The following SLC23A1 variants were observed in gnomAD, a reference collection of about 807,000 sequenced individuals.
SLC23A1 encodes solute carrier family 23 member 1, also known as Na(+)/L-ascorbic acid transporter 1.
SLC23A1 carries 31 observed loss-of-function variants against 62.5 expected under a neutral mutation model. That is an observed-to-expected ratio of 0.50 (90% CI 0.37 to 0.67). The LOEUF is 0.67. Ranked by LOEUF, SLC23A1 falls within the 30% of genes least tolerant of loss-of-function variation. The pLI, the probability that SLC23A1 is intolerant of heterozygous loss-of-function variation, is 0.00. For missense variants in SLC23A1, 640 were observed against 782.7 expected (o/e 0.82, Z 2.18); for synonymous variants, 271 against 313.2 (o/e 0.87, Z 1.42).
In SLC23A1 at chr5:139,379,258, G is replaced by A; in HGVS notation, c.1022C>T (p.Ala341Val). ...GIIESIGDYY[A>V]CARLAGAPPP... Reference sequence around the variant, plus strand: ...TGGTGCACCAGCCAGGCGGGCACAGGCGTAGTAATCTCCGATGGACTCAAT... The same window carrying A: ...TGGTGCACCAGCCAGGCGGGCACAGACGTAGTAATCTCCGATGGACTCAAT... Residue 341 changes from alanine (A) to valine (V), a missense_variant, in exon 9 of 15, where the codon GCC becomes GTC. Physicochemically the swap from Ala to Val is moderately conservative, Grantham distance 64. Transcript: ENST00000348729. The surrounding 1 kb of genome is among the most constrained non-coding windows in gnomAD (Gnocchi z 4.7). 5 of 1,614,200 alleles carry A rather than the reference G, an allele frequency of 3.1e-6. No homozygotes were observed. The highest frequency in any genetic ancestry group is 4.2e-6 in the Non-Finnish European group (5 of 1,180,014).
intron 13 of SLC23A1, among the ~76,000 whole-genome samples, chr5:139,374,635 A>G (rs1021917205): frequency 9.2e-5 from 14 of 152,174 alleles, no homozygotes; most frequent in African/African-American, 3.4e-4. Flanking sequence ...CTCAGTGGAT[A>G]CTGAAGACTG....
At chr5:139,368,915 G>A (rs1026790428) in intron 14 of SLC23A1, 16 of 699,030 alleles carry the variant, frequency 2.3e-5, no homozygotes, top group East Asian at 1.6e-4. Flanking sequence ...CATTGCCAAA[G>A]TTTTTGTTAG....
At chr5:139,374,520 T>C (rs1028583659) in intron 13 of SLC23A1, among the ~76,000 whole-genome samples, 1 of 152,236 alleles carries the variant, frequency 6.6e-6, no homozygotes, top group African/African-American at 2.4e-5. Context: ...GAAAAGGCTT[T>C]TGCTATTCCA....
intron 14 of SLC23A1, among the ~76,000 whole-genome samples, chr5:139,370,633 A>G (rs889060384): frequency 4.6e-5 from 7 of 151,924 alleles, no homozygotes; most frequent in Non-Finnish European, 8.8e-5. Context: ...CTGGGATTAC[A>G]GGCGCCTACC....
Position 139,378,278 on chromosome 5 carries a change from G to T in SLC23A1, c.1253C>A (p.Ala418Asp), listed in dbSNP as rs1300174711. ...LVLGTIGKFT[A>D]LFASLPDPIL... ...GGGGTCAGGGAGCGAGGCGAAGAGG[G>T]CCGTGAACTTGCCGATGGTGCCCAG... Residue 418 changes from alanine (A) to aspartate (D), a missense_variant, in exon 11 of 15, where the codon GCC becomes GAC. Ala to Asp is a moderately radical substitution (Grantham distance 126). Coordinates refer to ENST00000348729, the MANE Select transcript of SLC23A1 (RefSeq NM_005847.5). The surrounding 1 kb of genome is among the most constrained non-coding windows in gnomAD (Gnocchi z 4.5). 1 of 1,604,882 alleles carries T rather than the reference G, an allele frequency of 6.2e-7. No homozygotes were observed. The highest frequency in any genetic ancestry group is 8.5e-7 in the Non-Finnish European group (1 of 1,176,234).
chr5:139,382,457 G>A, intron 2 of SLC23A1, 35 bp downstream of exon 2: 1 of 1,244,646 alleles, frequency 8.0e-7, no homozygotes. Flanking sequence ...CGGGGAGTGT[G>A]CAGAGTGAGG....
At position 139,378,530 on chromosome 5, in the gene SLC23A1, T is replaced by C. The variant is rs1581368246; in HGVS notation, c.1179+49A>G. 6.9e-7 allele frequency: 1 copy of C among 1,444,310 alleles called. No individual in the cohort carries two copies. The highest frequency in any genetic ancestry group is 9.4e-7 in the Non-Finnish European group (1 of 1,062,478). The allele number at this position is 1,444,310 out of a possible 1,614,324, so 89.5% of individuals were successfully genotyped here. A position where few individuals can be genotyped will look rare whatever the true frequency, so the allele number is the denominator to read the frequency against. ...GTGGGGACCGAGTTGGGGCGGGGCCTGCGGCCCACGGAATTAGGGCAGGAT... is the reference window on the plus strand; with the variant it reads ...GTGGGGACCGAGTTGGGGCGGGGCCCGCGGCCCACGGAATTAGGGCAGGAT... On this transcript the variant is annotated intron_variant, in intron 10 of 14. Transcript: ENST00000348729. This position sits in a 1 kb window ranked among gnomAD's most constrained non-coding sequence, Gnocchi z 4.5.
chr5:139,373,463 A>G (rs1757787694), intron 13 of SLC23A1, among the ~76,000 whole-genome samples: 1 of 152,168 alleles, frequency 6.6e-6, no homozygotes, highest in African/African-American at 2.4e-5. Context: ...TATAGGTGTG[A>G]GCCACTGAGC....
chr5:139,377,395 AC>A lies in SLC23A1; in HGVS notation c.1549+6del. 6.5e-7 allele frequency: 1 copy of A among 1,528,204 alleles called. No homozygotes were observed. Among genetic ancestry groups the A allele is most frequent in the Non-Finnish European group, 9.1e-7 (1 of 1,101,494 alleles). The allele number at this position is 1,528,204 out of a possible 1,614,324, so 94.7% of individuals were successfully genotyped here. A position where few individuals can be genotyped will look rare whatever the true frequency, so the allele number is the denominator to read the frequency against. On this transcript the variant is annotated splice_donor_region_variant and intron_variant, in intron 13 of 14. Coordinates refer to ENST00000348729, the MANE Select transcript of SLC23A1 (RefSeq NM_005847.5). Reference sequence around the variant, plus strand: ...TTCTTCATTCCCCTCCCAGGACCGAACCATACCTGGCACTGTGTTGTCAAGT... The same window carrying A: ...TTCTTCATTCCCCTCCCAGGACCGAACATACCTGGCACTGTGTTGTCAAGT...
upstream of SLC23A1, chr5:139,384,673 C>T (rs923199126): frequency 8.3e-7 from 1 of 1,206,624 alleles, no homozygotes; most frequent in African/African-American, 1.6e-5. Flanking sequence ...CTCAATTCAA[C>T]CCAAACCACA....
intron 14 of SLC23A1, chr5:139,369,150 T>A (rs890589175): frequency 1.2e-5 from 2 of 168,608 alleles, no homozygotes; most frequent in Non-Finnish European, 2.5e-5. Context: ...AATCAGTACA[T>A]TTAATTTGAG....
chr5:139,385,414 C>T (rs1207710440), upstream of SLC23A1, among the ~76,000 whole-genome samples: 1 of 151,962 alleles, frequency 6.6e-6, no homozygotes, highest in African/African-American at 2.4e-5. Flanking sequence ...AACCCAGGGC[C>T]CATCCATACC....
At chr5:139,374,691 A>G (rs2152066441) in intron 13 of SLC23A1, among the ~76,000 whole-genome samples, 1 of 152,286 alleles carries the variant, frequency 6.6e-6, no homozygotes, top group African/African-American at 2.4e-5. Flanking sequence ...TGGCAGGGAC[A>G]GTTGTGATGC....
At position 139,377,358 on chromosome 5, in the gene SLC23A1, A is replaced by G. The variant is rs1408489410; in HGVS notation, c.1549+44T>C. 1.3e-5 allele frequency: 13 copies of G among 1,035,334 alleles called. No homozygotes were observed. In the African/African-American group the frequency reaches 2.0e-4, roughly 16 times the overall value. 64.1% of individuals were successfully genotyped at this position (1,035,334 alleles called of 1,614,324 possible). A position where few individuals can be genotyped will look rare whatever the true frequency, so the allele number is the denominator to read the frequency against. On this transcript the variant is annotated intron_variant, in intron 13 of 14. Transcript: ENST00000348729. The stretch of plus-strand genomic sequence containing the variant: ...CAGAGGCCATCTGTTGGAGTGCATG[A>G]GTCCAGCCTAGTTCTTCATTCCCCT...
At position 139,381,961 on chromosome 5, in the gene SLC23A1, C is replaced by T; in HGVS notation, c.239G>A (p.Ser80Asn). ...CGTGAAGATGGTGCCGATGAGCTGA[C>T]TAACCATGTGCTGGTCGTGGCCCAC... The part of the protein sequence containing the change: ...LCVGHDQHMV[S>N]QLIGTIFTCV... Residue 80 changes from serine (S) to asparagine (N), a missense_variant, in exon 3 of 15, where the codon AGT (serine) becomes AAT (asparagine). Transcript: ENST00000348729. 6.3e-7 allele frequency: 1 copy of T among 1,595,022 alleles called. No homozygotes were observed. The highest frequency in any genetic ancestry group is 8.5e-7 in the Non-Finnish European group (1 of 1,171,240).
At position 139,377,981 on chromosome 5, in the gene SLC23A1, T is replaced by C; in HGVS notation, c.1447A>G (p.Asn483Asp). The C allele has an allele frequency of 6.2e-7, 1 of 1,613,664 alleles. No individual in the cohort carries two copies. Among genetic ancestry groups the C allele is most frequent in the Non-Finnish European group, 8.5e-7 (1 of 1,179,846 alleles). The change falls in exon 12 of 15, where the codon AAT (asparagine) becomes GAT (aspartate). Residue 483 changes from asparagine to aspartate, a missense_variant. Asn to Asp is a conservative substitution (Grantham distance 23). Transcript: ENST00000348729. ...NYLESNPGAI[N>D]TGILEVDQIL... is the part of the protein sequence containing the mutation. ...AGTAAACAGCTGGAGGCACCTGTAT[T>C]GATGGCGCCAGGGTTGGACTCCAGG...
chr5:139,368,508 G>A (rs1286999114), intron 14 of SLC23A1, among the ~76,000 whole-genome samples: 2 of 152,114 alleles, frequency 1.3e-5, no homozygotes, highest in Admixed American at 1.3e-4. Context: ...CAGCCTGGGC[G>A]ACAGAGCAAG....
intron 14 of SLC23A1, chr5:139,369,694 A>G (rs1036092582): frequency 1.3e-5 from 2 of 152,650 alleles, no homozygotes; most frequent in African/African-American, 4.8e-5. Flanking sequence ...AAATATTTAA[A>G]AAAATAAATA....
At chr5:139,377,564 C>G (rs1486534002) in intron 12 of SLC23A1, 67 bp from the exon 13 acceptor site, 4 of 846,260 alleles carry the variant, frequency 4.7e-6, no homozygotes, top group Non-Finnish European at 8.2e-6. Context: ...GAGGGACTTC[C>G]TCTTGTGCAG....
Sources: gnomAD v4.1 joint callset for allele counts (sites outside exome capture counted in the v4.1 genomes callset) on GRCh38, gnomAD v4.1.1 for gene constraint, Gnocchi (gnomAD v3.1) non-coding constraint, MANE v1.5 for transcripts, NCBI Gene and HGNC (gene_info 2026-07-23, HGNC 2026-07-21) for gene names.